The following GAS7 variants were observed in gnomAD, a reference collection of about 807,000 sequenced individuals.
GAS7 encodes growth arrest-specific protein 7.
A neutral mutation model predicts 71.1 loss-of-function variants in GAS7; 28 were observed. That is an observed-to-expected ratio of 0.39 (90% CI 0.29 to 0.54). The LOEUF (loss-of-function observed/expected upper bound fraction) is 0.54, where lower values mean the gene tolerates loss of function less well. Among genes scored for constraint, GAS7 ranks in the 20% least tolerant of loss-of-function variants. The pLI, the probability that GAS7 is intolerant of heterozygous loss-of-function variation, is 0.62. For synonymous variants in GAS7, 258 were observed against 245.8 expected (o/e 1.05, Z -0.46); for missense variants, 436 against 627.8 (o/e 0.69, Z 3.27).
intron 4 of GAS7, among the ~76,000 whole-genome samples, chr17:9,968,668 C>A (rs934844459): frequency 6.6e-6 from 1 of 152,226 alleles, no homozygotes; most frequent in African/African-American, 2.4e-5. Flanking sequence ...TGATTAAGAA[C>A]CACGGTCTCA....
chr17:10,005,314 C>A (rs1396549472), intron 2 of GAS7, among the ~76,000 whole-genome samples: 4 of 148,166 alleles, frequency 2.7e-5, no homozygotes, highest in Non-Finnish European at 5.9e-5. Context: ...CATATATACA[C>A]ACACATATAT....
At chr17:9,996,563 AT>A (rs1306062830) in intron 2 of GAS7, among the ~76,000 whole-genome samples, 16 of 134,658 alleles carry the variant, frequency 1.2e-4, no homozygotes, top group Admixed American at 7.9e-4. Context: ...TTAAAGTATA[AT>A]TTAAAAAAAA....
chr17:10,008,476 A>T (rs1247456838), intron 2 of GAS7, among the ~76,000 whole-genome samples: 5 of 152,220 alleles, frequency 3.3e-5, no homozygotes, highest in Non-Finnish European at 7.3e-5. Flanking sequence ...TTGTCTTTTT[A>T]CTTGTGTGGG....
chr17:9,945,388 T>C (rs2068752678), intron 6 of GAS7, among the ~76,000 whole-genome samples: 1 of 151,752 alleles, frequency 6.6e-6, no homozygotes, highest in African/African-American at 2.4e-5. Context: ...TACTGGGGCC[T>C]AGAAAGTCTT....
At chr17:10,040,200 C>T (rs2072836582) in intron 1 of GAS7, among the ~76,000 whole-genome samples, 1 of 152,172 alleles carries the variant, frequency 6.6e-6, no homozygotes, top group Admixed American at 6.5e-5. Context: ...AGAGATTGGG[C>T]AGGATGGGTC....
In GAS7 at chr17:10,003,620, C is replaced by T. The variant is rs1253247861; in HGVS notation, c.304+16157G>A. On this transcript the variant is annotated intron_variant, in intron 2 of 13. Transcript: ENST00000432992. The stretch of plus-strand genomic sequence containing the variant: ...TTTTGGGGCTGAGGGTATCTTTGGG[C>T]ACGCAGATAGGCATTAACCACAGCT... 5.9e-5 allele frequency among the ~76,000 whole-genome samples: 9 copies of T among 152,206 alleles called. 1 individual carries two copies. The highest frequency in any genetic ancestry group is 5.2e-4 in the Admixed American group (8 of 15,282).
intron 1 of GAS7, among the ~76,000 whole-genome samples, chr17:10,022,750 G>T (rs1317599054): frequency 6.6e-6 from 1 of 152,204 alleles, no homozygotes; most frequent in Non-Finnish European, 1.5e-5. Flanking sequence ...CGTCTACGGC[G>T]ATACGGACCT....
chr17:9,997,992 AG>A lies in GAS7; in HGVS notation c.305-16109del, dbSNP rs141217772. 8.0e-3 allele frequency among the ~76,000 whole-genome samples: 1,226 copies of A among 152,306 alleles called. 21 individuals are homozygous for A. The highest frequency in any genetic ancestry group is 0.027 in the African/African-American group (1,138 of 41,562). On this transcript the variant is annotated intron_variant, in intron 2 of 13. Transcript: ENST00000432992. ...GAAGCTCTCTACACCCTGTTTTTCT[AG>A]GTTCTTACGGGGGCTTCAGTACATA...
intron 2 of GAS7, among the ~76,000 whole-genome samples, chr17:10,005,117 G>GCA (rs1408286029): frequency 6.6e-6 from 1 of 151,092 alleles, no homozygotes; most frequent in Non-Finnish European, 1.5e-5. Context: ...GTGTGCGTGT[G>GCA]CACGCATACC....
In GAS7 at chr17:9,959,058, T is replaced by G; in HGVS notation, c.525+144A>C. 7.5e-7 allele frequency: 1 copy of G among 1,331,238 alleles called. No individual in the cohort carries two copies. The highest frequency in any genetic ancestry group is 1.0e-6 in the Non-Finnish European group (1 of 1,000,764). The allele number at this position is 1,331,238 out of a possible 1,614,324, so 82.5% of individuals were successfully genotyped here. On this transcript the variant is annotated intron_variant, in intron 5 of 13. Coordinates refer to ENST00000432992, the MANE Select transcript of GAS7 (RefSeq NM_201433.2). The surrounding 1 kb of genome is among the most constrained non-coding windows in gnomAD (Gnocchi z 5.0). ...TGGGAGGGGCATGTGGATGGGGAAC[T>G]TGAGTGAAATCCGAGCTTTGGAACT...
intron 1 of GAS7, among the ~76,000 whole-genome samples, chr17:10,056,260 T>A (rs1391538874): frequency 1.3e-5 from 2 of 151,888 alleles, no homozygotes; most frequent in African/African-American, 4.8e-5. Context: ...CTTGAGAGGC[T>A]GAGGTGGGAA....
intron 1 of GAS7, among the ~76,000 whole-genome samples, chr17:10,046,645 A>G (rs555260745): frequency 9.9e-5 from 15 of 150,972 alleles, no homozygotes; most frequent in Admixed American, 8.6e-4. Flanking sequence ...CTGAGGCAGG[A>G]GAATTGCTTG....
At chr17:9,956,527 G>A (rs1426746187) in intron 5 of GAS7, among the ~76,000 whole-genome samples, 1 of 152,126 alleles carries the variant, frequency 6.6e-6, no homozygotes, top group African/African-American at 2.4e-5. Flanking sequence ...GCCAAGGGCT[G>A]TGAGCTGCCA....
chr17:9,949,584 A>C (rs138494728), intron 5 of GAS7, among the ~76,000 whole-genome samples: 2,515 of 152,222 alleles, frequency 0.017, 89 homozygotes, highest in Admixed American at 0.078. Flanking sequence ...CAACAAAAGA[A>C]GGAGCCTCCT....
At chr17:10,031,817 T>C (rs2072625731) in intron 1 of GAS7, among the ~76,000 whole-genome samples, 1 of 152,268 alleles carries the variant, frequency 6.6e-6, no homozygotes, top group Admixed American at 6.5e-5. Flanking sequence ...TACGGCATGA[T>C]GGGGATCTGA....
chr17:10,036,462 GGCT>G, intron 1 of GAS7: 2 of 1,613,692 alleles, frequency 1.2e-6, no homozygotes, highest in Non-Finnish European at 1.7e-6. Flanking sequence ...CTTCTCTGGG[GGCT>G]GCTACCTCAG....
At chr17:10,163,504 G>A (rs1023436206) in intron 1 of GAS7, among the ~76,000 whole-genome samples, 2 of 151,758 alleles carry the variant, frequency 1.3e-5, no homozygotes, top group Non-Finnish European at 2.9e-5. Flanking sequence ...CAAAATATCT[G>A]GCTACAAAAA....
intron 1 of GAS7, among the ~76,000 whole-genome samples, chr17:10,033,862 G>T (rs940227080): frequency 1.3e-5 from 2 of 152,286 alleles, no homozygotes; most frequent in East Asian, 1.9e-4. Context: ...CAGTGCCTAC[G>T]GCCTGTGCTC....
At chr17:9,992,563 T>C (rs1356730029) in intron 2 of GAS7, among the ~76,000 whole-genome samples, 2 of 76,276 alleles carry the variant, frequency 2.6e-5, no homozygotes, top group African/African-American at 4.8e-5. Flanking sequence ...TCCCAAAGTC[T>C]TTTTTTTTTT....
Sources: gnomAD v4.1 joint callset for allele counts (sites outside exome capture counted in the v4.1 genomes callset) on GRCh38, gnomAD v4.1.1 for gene constraint, Gnocchi (gnomAD v3.1) non-coding constraint, MANE v1.5 for transcripts, NCBI Gene and HGNC (gene_info 2026-07-23, HGNC 2026-07-21) for gene names.